The following ERRFI1 variants were observed in gnomAD, a reference collection of about 807,000 sequenced individuals.
ERRFI1 encodes the protein mitogen-inducible gene 6 protein.
In ERRFI1, 12 loss-of-function variants were observed where a neutral mutation model predicts 14.6. The ratio of observed to expected loss-of-function variants is 0.82; its 90% CI spans 0.53 to 1.33. The LOEUF (loss-of-function observed/expected upper bound fraction) is 1.33. Ranked by LOEUF, ERRFI1 falls within the 40% of genes most tolerant of loss-of-function variation. The pLI is 0.00. For synonymous variants in ERRFI1, 202 were observed against 209.9 expected, an observed-to-expected ratio of 0.96 and a Z score of 0.32; for missense variants, 482 against 572.1, an observed-to-expected ratio of 0.84 and a Z score of 1.61.
Position 8,013,233 on chromosome 1 carries a change from A to G in ERRFI1, c.1366T>C (p.Leu456=). ...GTCTAAGGAGAAACCACATAGGATA[A>G]ATGTTTACGCTTCACGTGGCCACCC... ...DLGGHVKRKH[L]SYVVSP The change falls in exon 4 of 4, where the codon TTA becomes CTA. Residue 456 remains leucine, a synonymous_variant. Coordinates refer to ENST00000377482, the MANE Select transcript of ERRFI1 (RefSeq NM_018948.4). This position sits in a 1 kb window ranked among gnomAD's most constrained non-coding sequence, Gnocchi z 4.3. 1 of 1,612,942 alleles carries G rather than the reference A, an allele frequency of 6.2e-7. No individual in the cohort carries two copies. The highest frequency in any genetic ancestry group is 8.5e-7 in the Non-Finnish European group (1 of 1,179,640).
Position 8,013,039 on chromosome 1 carries a change from G to T in ERRFI1, c.*171C>A. 1.7e-6 allele frequency: 1 copy of T among 600,848 alleles called. No homozygotes were observed. 37.2% of individuals were successfully genotyped at this position (600,848 alleles called of 1,614,324 possible). A position where few individuals can be genotyped will look rare whatever the true frequency, so the allele number is the denominator to read the frequency against. On this transcript the variant is annotated 3_prime_UTR_variant, in exon 4 of 4. Transcript: ENST00000377482. The surrounding 1 kb of genome is among the most constrained non-coding windows in gnomAD (Gnocchi z 4.3). Reference sequence around the variant, plus strand: ...TTTTTCCAACACTAACAAAGTCAGGGTTTCTCAGCATAACAGCATCTCACA... The same window carrying T: ...TTTTTCCAACACTAACAAAGTCAGGTTTTCTCAGCATAACAGCATCTCACA...
chr1:8,025,235 A>G (rs894808998), intron 1 of ERRFI1, among the ~76,000 whole-genome samples: 1 of 152,254 alleles, frequency 6.6e-6, no homozygotes, highest in African/African-American at 2.4e-5. Flanking sequence ...CTTTCAAGCA[A>G]TGATGAAATC....
rs1452406790 is a variant in ERRFI1 at position 8,012,740 on chromosome 1, A to C, written c.*470T>G. 1 of 230,648 alleles carries C rather than the reference A, an allele frequency of 4.3e-6. No individual in the cohort carries two copies. The highest frequency in any genetic ancestry group is 5.6e-5 in the Admixed American group (1 of 17,850). 14.3% of individuals were successfully genotyped at this position (230,648 alleles called of 1,614,324 possible). A position where few individuals can be genotyped will look rare whatever the true frequency, so the allele number is the denominator to read the frequency against. Reference sequence around the variant, plus strand: ...AAAGCCAGAAATCTTCAAACTTACTAAACAAAAATATTTTTTAATGATTCT... The same window carrying C: ...AAAGCCAGAAATCTTCAAACTTACTCAACAAAAATATTTTTTAATGATTCT... On this transcript the variant is annotated 3_prime_UTR_variant, in exon 4 of 4. Transcript: ENST00000377482.
intron 1 of ERRFI1, among the ~76,000 whole-genome samples, chr1:8,022,666 T>G (rs1190716214): frequency 6.6e-6 from 1 of 152,214 alleles, no homozygotes; most frequent in East Asian, 1.9e-4. Context: ...GTAACATTCT[T>G]GTTTATAAAT....
rs2124059249 is a variant in ERRFI1 at position 8,013,975 on chromosome 1, G to A, written c.624C>T (p.Asn208=). The A allele has an allele frequency of 1.9e-6, 3 of 1,614,198 alleles. No homozygotes were observed. Among genetic ancestry groups the A allele is most frequent in the Non-Finnish European group, 2.5e-6 (3 of 1,180,042 alleles). ...RRSFRGCGQI[N]YAYFDTPAVS... ...CAGCTGGGGTATCAAAATATGCATA[G>A]TTGATTTGTCCACACCCACGGAAGC... The change falls in exon 4 of 4, where the codon AAC becomes AAT. Residue 208 remains asparagine (N), a synonymous_variant. Transcript: ENST00000377482. This position sits in a 1 kb window ranked among gnomAD's most constrained non-coding sequence, Gnocchi z 4.3.
Position 8,013,395 on chromosome 1 carries a change from G to A in ERRFI1, c.1204C>T (p.Pro402Ser), listed in dbSNP as rs2124055039. The A allele has an allele frequency of 6.2e-7, 1 of 1,614,180 alleles. No homozygotes were observed. Among genetic ancestry groups the A allele is most frequent in the Non-Finnish European group, 8.5e-7 (1 of 1,180,040 alleles). ...AATTTTTCATATTTGTCCAGGTATGGTGGTCGTTCAGGTAGTAGGTAATAA... is the reference window on the plus strand; with the variant it reads ...AATTTTTCATATTTGTCCAGGTATGATGGTCGTTCAGGTAGTAGGTAATAA... Reference protein sequence around the residue: ...THYYLLPERPPYLDKYEKFFR... With the variant: ...THYYLLPERPSYLDKYEKFFR... Residue 402 changes from proline to serine, a missense_variant, in exon 4 of 4, where the codon CCA (proline) becomes TCA (serine). Coordinates refer to ENST00000377482, the MANE Select transcript of ERRFI1 (RefSeq NM_018948.4). The surrounding 1 kb of genome is among the most constrained non-coding windows in gnomAD (Gnocchi z 4.3).
At chr1:8,025,031 G>A (rs1641324541) in intron 1 of ERRFI1, among the ~76,000 whole-genome samples, 1 of 152,072 alleles carries the variant, frequency 6.6e-6, no homozygotes, top group African/African-American at 2.4e-5. Context: ...ATTTGTTCTG[G>A]AAGGGAAAAA....
chr1:8,020,835 A>G (rs441597), intron 1 of ERRFI1, among the ~76,000 whole-genome samples: 31,345 of 152,058 alleles, frequency 0.21, 4,080 homozygotes, highest in East Asian at 0.63. Flanking sequence ...GTGAGATACC[A>G]CGCCCGGCCC....
At position 8,012,580 on chromosome 1, in the gene ERRFI1, C is replaced by T. The variant is rs1407912936; in HGVS notation, c.*630G>A. 4.4e-6 allele frequency: 1 copy of T among 225,452 alleles called. No individual in the cohort carries two copies. Among genetic ancestry groups the T allele is most frequent in the African/African-American group, 2.2e-5 (1 of 44,884 alleles). The allele number at this position is 225,452 out of a possible 1,614,324, so 14.0% of individuals were successfully genotyped here. A position where few individuals can be genotyped will look rare whatever the true frequency, so the allele number is the denominator to read the frequency against. On this transcript the variant is annotated 3_prime_UTR_variant, in exon 4 of 4. Coordinates refer to ENST00000377482, the MANE Select transcript of ERRFI1 (RefSeq NM_018948.4). The stretch of plus-strand genomic sequence containing the variant: ...CTCTCCCTCCCTCAACAAGACGCAA[C>T]ATGAAACCTGGAAGTATGAGGCCTT...
rs1641133975 is a variant in ERRFI1, at chr1:8,014,044, G to A, written c.555C>T (p.Asp185=). Residue 185 remains aspartate, a synonymous_variant, in exon 4 of 4, where the codon GAC becomes GAT. Coordinates refer to ENST00000377482, the MANE Select transcript of ERRFI1 (RefSeq NM_018948.4). ...CATATTTGAAATCAGAAAGTGTAGA[G>A]TCTTCTAAAAGGAAGTCTGTATCTG... The part of the protein sequence containing the change: ...TSSDTDFLLE[D]STLSDFKYDV... 1.2e-6 allele frequency: 2 copies of A among 1,614,114 alleles called. No individual in the cohort carries two copies. Among genetic ancestry groups the A allele is most frequent in the Non-Finnish European group, 1.7e-6 (2 of 1,180,030 alleles).
chr1:8,018,042 C>G (rs1445196317), intron 1 of ERRFI1, among the ~76,000 whole-genome samples: 1 of 152,074 alleles, frequency 6.6e-6, no homozygotes. Context: ...TAAGCCAGCT[C>G]ACTTCTGACC....
chr1:8,017,444 TGA>T (rs989382229), intron 1 of ERRFI1, among the ~76,000 whole-genome samples: 1 of 152,210 alleles, frequency 6.6e-6, no homozygotes, highest in Admixed American at 6.5e-5. Flanking sequence ...GAATTCTAAT[TGA>T]GAGGTCTTTT....
chr1:8,025,649 C>CG lies in ERRFI1; in HGVS notation c.-74+508_-74+509insC, dbSNP rs1478371969. Among the ~76,000 whole-genome samples, 3 of 152,144 alleles carry CG rather than the reference C, an allele frequency of 2.0e-5. No individual in the cohort carries two copies. The South Asian group carries it at 6.2e-4, about 31-fold the overall frequency. ...CGGTGTGAACAAGACAACGCAACCC[C>CG]CTTTTTACAAATAAAAAAAAAATCA... On this transcript the variant is annotated intron_variant, in intron 1 of 3. Coordinates refer to ENST00000377482, the MANE Select transcript of ERRFI1 (RefSeq NM_018948.4).
chr1:8,020,670 G>T (rs773556406), intron 1 of ERRFI1, among the ~76,000 whole-genome samples: 2 of 150,270 alleles, frequency 1.3e-5, no homozygotes, highest in African/African-American at 4.9e-5. Context: ...TCAGCCTCCC[G>T]AGTAGCTGGG....
intron 3 of ERRFI1, chr1:8,014,755 C>T (rs201663163): frequency 4.1e-5 from 10 of 243,256 alleles, no homozygotes; most frequent in Non-Finnish European, 6.4e-5. Flanking sequence ...TTAAGACATG[C>T]GACCATACTA....
chr1:8,015,675 A>G lies in ERRFI1; in HGVS notation c.-56T>C. On this transcript the variant is annotated 5_prime_UTR_variant, in exon 2 of 4. Transcript: ENST00000377482. ...GTGAGGCCCAGGCACTTTAAAATCAACCAGTAGCTTTCATTCCCTGGGAGG... is the reference window on the plus strand; with the variant it reads ...GTGAGGCCCAGGCACTTTAAAATCAGCCAGTAGCTTTCATTCCCTGGGAGG... The G allele has an allele frequency of 6.2e-7, 1 of 1,608,414 alleles. No homozygotes were observed. Among genetic ancestry groups the G allele is most frequent in the South Asian group, 1.1e-5 (1 of 90,694 alleles).
At position 8,014,193 on chromosome 1, in the gene ERRFI1, A is replaced by G. The variant is rs779170122; in HGVS notation, c.406T>C (p.Ser136Pro). ...STPPLTPIKN[S>P]PSLFPCAPLC... ...GGGGCACAGGGGAAAAGGGAAGGGG[A>G]GTTTTTTATGGGTGTCAGTGGAGGG... is the stretch of plus-strand genomic sequence containing the variant. The change falls in exon 4 of 4, where the codon TCC becomes CCC. Residue 136 changes from serine (S) to proline (P), a missense_variant. Transcript: ENST00000377482. The G allele has an allele frequency of 6.2e-7, 1 of 1,614,068 alleles. No homozygotes were observed. Among genetic ancestry groups the G allele is most frequent in the Non-Finnish European group, 8.5e-7 (1 of 1,180,010 alleles).
At chr1:8,019,342 ATC>A (rs1641244515) in intron 1 of ERRFI1, among the ~76,000 whole-genome samples, 1 of 151,996 alleles carries the variant, frequency 6.6e-6, no homozygotes, top group Non-Finnish European at 1.5e-5. Flanking sequence ...TTTTCCCCAA[ATC>A]TCTGTTACAA....
chr1:8,024,195 G>A (rs1187055258), intron 1 of ERRFI1, among the ~76,000 whole-genome samples: 2 of 152,192 alleles, frequency 1.3e-5, no homozygotes, highest in Non-Finnish European at 2.9e-5. Flanking sequence ...CAGCAGAAAG[G>A]AAGTATTATC....
Sources: allele counts gnomAD v4.1 joint callset (sites outside exome capture counted in the v4.1 genomes callset), GRCh38; gene constraint gnomAD v4.1.1; non-coding constraint Gnocchi (gnomAD v3.1); transcripts MANE v1.5; gene names NCBI Gene and HGNC (gene_info 2026-07-23, HGNC 2026-07-21).